DLG5: variants seen among roughly 807,000 people sequenced by gnomAD.
DLG5 encodes disks large homolog 5.
In DLG5, 48 loss-of-function variants were observed where a neutral mutation model predicts 189.8. That is an observed-to-expected ratio of 0.25 (90% CI 0.20 to 0.32). The LOEUF (loss-of-function observed/expected upper bound fraction) is 0.32. Among genes scored for constraint, DLG5 ranks in the 10% least tolerant of loss-of-function variants. The pLI, the probability that DLG5 is intolerant of heterozygous loss-of-function variation, is 1.00. For synonymous variants in DLG5, 1,016 were observed against 1,054.1 expected (o/e 0.96, Z 0.70); for missense variants, 2,160 against 2,544.7 (o/e 0.85, Z 3.25).
intron 3 of DLG5, among the ~76,000 whole-genome samples, chr10:77,854,730 A>G (rs559558699): frequency 1.3e-5 from 2 of 152,266 alleles, no homozygotes; most frequent in South Asian, 2.1e-4. Context: ...TCGTGCCTGT[A>G]ATCCCAGCAC....
At chr10:77,815,662 A>C (rs942606737) in intron 20 of DLG5, among the ~76,000 whole-genome samples, 1 of 151,518 alleles carries the variant, frequency 6.6e-6, no homozygotes, top group African/African-American at 2.4e-5. Context: ...ACTCTGTCTC[A>C]AAAAAAAATA....
At chr10:77,835,693 T>C (rs745377442) in intron 8 of DLG5, 45 bp downstream of exon 8, 1 of 1,565,140 alleles carries the variant, frequency 6.4e-7, no homozygotes, top group Admixed American at 1.7e-5. Context: ...GGTCCCCTCA[T>C]CCTGGGGAGA....
intron 26 of DLG5, chr10:77,806,185 G>A (rs1050242737): frequency 1.2e-5 from 4 of 347,344 alleles, no homozygotes; most frequent in Non-Finnish European, 2.1e-5. Flanking sequence ...CCATAGAAGG[G>A]AAATGATGCA....
intron 1 of DLG5, among the ~76,000 whole-genome samples, chr10:77,923,481 G>A (rs996891093): frequency 2.0e-5 from 3 of 152,240 alleles, no homozygotes; most frequent in East Asian, 1.9e-4. Context: ...CCCCTGCGCC[G>A]GGGCAGTGGC....
intron 23 of DLG5, among the ~76,000 whole-genome samples, 192 bp from the exon 24 acceptor site, chr10:77,809,922 G>A (rs1338409939): frequency 6.6e-6 from 1 of 152,126 alleles, no homozygotes; most frequent in Non-Finnish European, 1.5e-5. Context: ...GGAGATGAAG[G>A]CAAGACCCCA....
chr10:77,851,653 A>G (rs78124847), intron 5 of DLG5, among the ~76,000 whole-genome samples: 6,476 of 152,308 alleles, frequency 0.043, 275 homozygotes, highest in East Asian at 0.25. Flanking sequence ...AATAGCTCCA[A>G]GTATATCCAT....
At position 77,844,478 on chromosome 10, in the gene DLG5, A is replaced by T. The variant is rs906341516; in HGVS notation, c.865-772T>A. ...CTCCCAGAAAGTGACATAGCCCAGAATCAGGTTATGTAAATCGGACCTAAA... is the reference window on the plus strand; with the variant it reads ...CTCCCAGAAAGTGACATAGCCCAGATTCAGGTTATGTAAATCGGACCTAAA... On this transcript the variant is annotated intron_variant, in intron 5 of 31. Coordinates refer to ENST00000372391, the MANE Select transcript of DLG5 (RefSeq NM_004747.4). Among the ~76,000 whole-genome samples, 4 of 152,292 alleles carry T rather than the reference A, an allele frequency of 2.6e-5. No homozygotes were observed. The South Asian group carries it at 6.2e-4, about 24-fold the overall frequency.
chr10:77,919,579 C>G (rs1846474254), intron 1 of DLG5, among the ~76,000 whole-genome samples: 1 of 116,744 alleles, frequency 8.6e-6, no homozygotes, highest in African/African-American at 3.3e-5. Flanking sequence ...ATCTCCAGTT[C>G]AGGGCTTTTT....
At chr10:77,918,984 G>A (rs1846454429) in intron 1 of DLG5, among the ~76,000 whole-genome samples, 1 of 152,156 alleles carries the variant, frequency 6.6e-6, no homozygotes, top group African/African-American at 2.4e-5. Context: ...GGGAGGCTGA[G>A]GTAGGCGGAT....
the DLG5 span, among the ~76,000 whole-genome samples, chr10:77,940,508 C>A: frequency 1.3e-5 from 2 of 152,164 alleles, no homozygotes; most frequent in African/African-American, 4.8e-5. Flanking sequence ...GCAGGGGAGT[C>A]CCCGATACAT....
chr10:77,845,277 A>G (rs529787394), intron 5 of DLG5: 2 of 152,362 alleles, frequency 1.3e-5, no homozygotes, highest in Admixed American at 6.5e-5. Flanking sequence ...GGATTCCTCA[A>G]ATGCCCAGGC....
intron 1 of DLG5, among the ~76,000 whole-genome samples, chr10:77,914,528 C>T (rs1308908835): frequency 6.6e-6 from 1 of 152,132 alleles, no homozygotes; most frequent in Non-Finnish European, 1.5e-5. Context: ...GAGTAAAGAG[C>T]TAAGATTTAA....
intron 1 of DLG5, among the ~76,000 whole-genome samples, chr10:77,921,618 T>C (rs1407686116): frequency 6.6e-6 from 1 of 152,142 alleles, no homozygotes; most frequent in East Asian, 1.9e-4. Flanking sequence ...ACATGGCTCC[T>C]CTCTATGGCT....
chr10:77,926,923 G>C (rs2131891569), upstream of DLG5: 1 of 353,930 alleles, frequency 2.8e-6, no homozygotes, highest in South Asian at 1.9e-5. The surrounding 1 kb of genome is among the most constrained non-coding windows in gnomAD (Gnocchi z 5.2). Context: ...GCCGGGCCGC[G>C]CGCCGCCCCC....
At chr10:77,856,981 C>A in intron 2 of DLG5, 89 bp from the exon 3 acceptor site, 1 of 1,300,278 alleles carries the variant, frequency 7.7e-7, no homozygotes, top group Admixed American at 2.3e-5. Flanking sequence ...CTTGTGTTAG[C>A]TATTCGTGAC....
At chr10:77,795,600 T>TC (rs1373998412) in intron 29 of DLG5, among the ~76,000 whole-genome samples, 1 of 151,904 alleles carries the variant, frequency 6.6e-6, no homozygotes, top group African/African-American at 2.4e-5. Flanking sequence ...CCCACAGACG[T>TC]CCCCGCCCTC....
At chr10:77,811,522 G>A (rs1841771979) in intron 22 of DLG5, among the ~76,000 whole-genome samples, 1 of 152,076 alleles carries the variant, frequency 6.6e-6, no homozygotes, top group Admixed American at 6.6e-5. Flanking sequence ...CTCTCCTGCT[G>A]AGCTTGTGGC....
intron 1 of DLG5, among the ~76,000 whole-genome samples, chr10:77,882,933 A>T (rs924592291): frequency 1.3e-5 from 2 of 151,346 alleles, no homozygotes; most frequent in Non-Finnish European, 2.9e-5. Flanking sequence ...AAAAAAAAAA[A>T]CACCCAAGAG....
In DLG5 at chr10:77,839,654, T is replaced by C. The variant is rs369134282; in HGVS notation, c.1437+2227A>G. Among the ~76,000 whole-genome samples the C allele has an allele frequency of 1.2e-4, 18 of 152,370 alleles. 3 individuals carry two copies. The highest frequency in any genetic ancestry group is 3.9e-4 in the Admixed American group (6 of 15,304). On this transcript the variant is annotated intron_variant, in intron 7 of 31. Coordinates refer to ENST00000372391, the MANE Select transcript of DLG5 (RefSeq NM_004747.4). ...TTCCTTCTTCATCATTTTGTTTTCC[T>C]TATTTGATATTGACATTTTCCCCAA... is the stretch of plus-strand genomic sequence containing the variant.
Sources: gnomAD v4.1 joint callset for allele counts (sites outside exome capture counted in the v4.1 genomes callset) on GRCh38, gnomAD v4.1.1 for gene constraint, Gnocchi (gnomAD v3.1) non-coding constraint, MANE v1.5 for transcripts, NCBI Gene and HGNC (gene_info 2026-07-23, HGNC 2026-07-21) for gene names.